Variants in MAP3K9 observed in about 807,000 individuals in gnomAD.
MAP3K9 encodes the protein mitogen-activated protein kinase kinase kinase 9, also known as mixed lineage kinase 1 (tyr and ser/thr specificity).
MAP3K9 carries 46 observed loss-of-function variants against 95.8 expected under a neutral mutation model. The ratio of observed to expected loss-of-function variants is 0.48; its 90% CI spans 0.38 to 0.61. MAP3K9 has a LOEUF of 0.61. Ranked by LOEUF, MAP3K9 falls within the 20% of genes least tolerant of loss-of-function variation. The pLI, the probability that MAP3K9 is intolerant of heterozygous loss-of-function variation, is 0.00. For synonymous variants in MAP3K9, 533 were observed against 593.8 expected, an observed-to-expected ratio of 0.90 and a Z score of 1.49; for missense variants, 1,296 against 1,474.3, an observed-to-expected ratio of 0.88 and a Z score of 1.98.
intron 2 of MAP3K9, among the ~76,000 whole-genome samples, chr14:70,791,485 A>C (rs2054806905): frequency 6.6e-6 from 1 of 152,188 alleles, no homozygotes; most frequent in African/African-American, 2.4e-5. Flanking sequence ...GTGGCCCACA[A>C]AGAGATCCAT....
At chr14:70,791,872 C>T (rs2054811246) in intron 2 of MAP3K9, among the ~76,000 whole-genome samples, 1 of 152,218 alleles carries the variant, frequency 6.6e-6, no homozygotes, top group Non-Finnish European at 1.5e-5. Flanking sequence ...TTGTTTCCTG[C>T]TGTATTCTTA....
At chr14:70,740,421 T>C (rs570467005) in intron 6 of MAP3K9, among the ~76,000 whole-genome samples, 3 of 152,330 alleles carry the variant, frequency 2.0e-5, no homozygotes, top group East Asian at 1.9e-4. Flanking sequence ...GTCTATATAA[T>C]GAATATAGTT....
chr14:70,794,140 G>A (rs988324838), intron 2 of MAP3K9, among the ~76,000 whole-genome samples: 22 of 152,318 alleles, frequency 1.4e-4, no homozygotes, highest in African/African-American at 5.1e-4. Flanking sequence ...TGCCAGCAAG[G>A]AGGAAAGGGG....
At position 70,795,482 on chromosome 14, in the gene MAP3K9, T is replaced by C. The variant is rs988881028; in HGVS notation, c.820+5185A>G. On this transcript the variant is annotated intron_variant, in intron 2 of 11. Transcript: ENST00000554752. ...CACCACCACACCCAGCTAGATTTTA[T>C]TGTATTTTTTGCAGAGATGGGATTT... Among the ~76,000 whole-genome samples the C allele has an allele frequency of 3.3e-5, 5 of 151,438 alleles. No homozygotes were observed. In the South Asian group the frequency reaches 6.3e-4, roughly 19 times the overall value.
intron 2 of MAP3K9, among the ~76,000 whole-genome samples, chr14:70,775,811 AAACC>A (rs1260406852): frequency 1.3e-5 from 2 of 152,212 alleles, no homozygotes; most frequent in Non-Finnish European, 1.5e-5. Context: ...GACTAAAACC[AAACC>A]ACCTGAGTCT....
intron 2 of MAP3K9, among the ~76,000 whole-genome samples, chr14:70,780,278 T>C (rs2158530): frequency 0.3 from 45,500 of 152,042 alleles, 7,075 homozygotes; most frequent in Admixed American, 0.34. Flanking sequence ...GGCTGGAGGA[T>C]AGAAGGAGAC....
chr14:70,745,508 C>A (rs1379477436), intron 5 of MAP3K9, among the ~76,000 whole-genome samples: 1 of 152,142 alleles, frequency 6.6e-6, no homozygotes, highest in Non-Finnish European at 1.5e-5. Context: ...GAGTCCGAGG[C>A]AGGCGGATCA....
chr14:70,766,159 A>C (rs999194733), intron 2 of MAP3K9, among the ~76,000 whole-genome samples: 11 of 152,128 alleles, frequency 7.2e-5, no homozygotes, highest in African/African-American at 2.2e-4. Context: ...TGAAGAAGCC[A>C]AGTTTAGTTT....
intron 2 of MAP3K9, among the ~76,000 whole-genome samples, chr14:70,769,618 G>A (rs149167984): frequency 0.02 from 2,972 of 152,254 alleles, 48 homozygotes; most frequent in Non-Finnish European, 0.031. Context: ...AAGGTTCCAG[G>A]GAAGGATCCT....
In MAP3K9 at chr14:70,729,390, A is replaced by C. The variant is rs1463684430; in HGVS notation, c.*990T>G. The C allele has an allele frequency of 6.6e-6, 1 of 152,290 alleles. No individual in the cohort carries two copies. Among genetic ancestry groups the C allele is most frequent in the Non-Finnish European group, 1.5e-5 (1 of 68,086 alleles). The allele number at this position is 152,290 out of a possible 1,614,324, so 9.4% of individuals were successfully genotyped here. A position where few individuals can be genotyped will look rare whatever the true frequency, so the allele number is the denominator to read the frequency against. Reference sequence around the variant, plus strand: ...TAACCAAACATAACCAAAAGCCCACAAACTCCAGGGATTAGAGTGAAGACC... The same window carrying C: ...TAACCAAACATAACCAAAAGCCCACCAACTCCAGGGATTAGAGTGAAGACC... On this transcript the variant is annotated 3_prime_UTR_variant, in exon 12 of 12. Transcript: ENST00000554752.
rs34322726 is a variant in MAP3K9, at chr14:70,734,475, T to C, written c.1937A>G (p.Tyr646Cys). The C allele has an allele frequency of 0.016, 24,979 of 1,611,010 alleles. 246 individuals are homozygous for C. The highest frequency in any genetic ancestry group is 0.031 in the Middle Eastern group (185 of 6,042). The change falls in exon 10 of 12, where the codon TAT becomes TGT. Residue 646 changes from tyrosine to cysteine, a missense_variant. Tyr to Cys is a radical substitution (Grantham distance 194). Coordinates refer to ENST00000554752, the MANE Select transcript of MAP3K9 (RefSeq NM_001284230.2). Reference protein sequence around the residue: ...HLGLKSLVDGYKQWSSSAPNL... With the variant: ...HLGLKSLVDGCKQWSSSAPNL... ...GGGGGCACTGGACGACCACTGCTTA[T>C]ATCCATCTACCAGGGACTTGAGGCT...
At chr14:70,744,773 G>C (rs1489584379) in intron 5 of MAP3K9, among the ~76,000 whole-genome samples, 2 of 152,196 alleles carry the variant, frequency 1.3e-5, no homozygotes, top group East Asian at 3.8e-4. Context: ...CAAATCTGAA[G>C]GACAGTCAGT....
In MAP3K9 at chr14:70,725,738, C is replaced by G. The variant is rs548450864; in HGVS notation, c.*4642G>C. ...TTGACAAAGACAAGTCATTCTCAGA[C>G]CTAAAGCCAAAGAGAGAGGCAGGTA... is the stretch of plus-strand genomic sequence containing the variant. On this transcript the variant is annotated 3_prime_UTR_variant, in exon 12 of 12. Transcript: ENST00000554752. The G allele has an allele frequency of 6.6e-6, 1 of 152,264 alleles. No homozygotes were observed. The highest frequency in any genetic ancestry group is 1.9e-4 in the East Asian group (1 of 5,190). 9.4% of individuals were successfully genotyped at this position (152,264 alleles called of 1,614,324 possible).
chr14:70,764,890 G>A (rs944485103), intron 2 of MAP3K9, among the ~76,000 whole-genome samples: 5 of 152,056 alleles, frequency 3.3e-5, no homozygotes. Context: ...CATAGAATAA[G>A]GATAAAAGAA....
intron 2 of MAP3K9, chr14:70,783,401 T>G: frequency 1.0e-6 from 1 of 985,436 alleles, no homozygotes. Context: ...ACTGTCCTTA[T>G]AGAAAGAAGC....
chr14:70,797,476 G>A (rs563152806), intron 2 of MAP3K9, among the ~76,000 whole-genome samples: 10 of 151,844 alleles, frequency 6.6e-5, no homozygotes, highest in Non-Finnish European at 8.8e-5. Context: ...ACTGGCTCAC[G>A]CCTGTAGTCC....
At chr14:70,787,498 ACT>A (rs1365029038) in intron 2 of MAP3K9, among the ~76,000 whole-genome samples, 1 of 127,314 alleles carries the variant, frequency 7.9e-6, no homozygotes, top group African/African-American at 3.0e-5. Flanking sequence ...ACAGTACAAG[ACT>A]CTGTCTCAAA....
intron 7 of MAP3K9, 90 bp downstream of exon 7, chr14:70,739,952 A>T: frequency 6.2e-7 from 1 of 1,614,154 alleles, no homozygotes. Context: ...TTATGGATGG[A>T]GCAAGCCTGG....
At chr14:70,732,239 ACTACC>A (rs1430143730) in intron 11 of MAP3K9, among the ~76,000 whole-genome samples, 7 of 152,258 alleles carry the variant, frequency 4.6e-5, no homozygotes, top group Admixed American at 4.6e-4. Context: ...CCCTGAAAAC[ACTACC>A]CTACCCTAAG....
Sources: gnomAD v4.1 joint callset for allele counts (sites outside exome capture counted in the v4.1 genomes callset) on GRCh38, gnomAD v4.1.1 for gene constraint, MANE v1.5 for transcripts, NCBI Gene and HGNC (gene_info 2026-07-23, HGNC 2026-07-21) for gene names.